The following FARP1 variants were observed in gnomAD, a reference collection of about 807,000 sequenced individuals.
FARP1 encodes the protein FERM, ARH/RhoGEF and pleckstrin domain protein 1, also known as FERM, ARHGEF and pleckstrin domain-containing protein 1.
Under a neutral mutation model 128.8 loss-of-function variants are expected in FARP1, and 52 were observed. The observed-to-expected ratio is 0.40, with a 90% confidence interval of 0.32 to 0.51. The LOEUF (loss-of-function observed/expected upper bound fraction) is 0.51. Among genes scored for constraint, FARP1 ranks in the 20% least tolerant of loss-of-function variants. The pLI is 0.45. For missense variants in FARP1, 1,333 were observed against 1,367.9 expected (o/e 0.97, Z 0.40); for synonymous variants, 580 against 551.8 (o/e 1.05, Z -0.72).
intron 26 of FARP1, chr13:98,447,954 A>C: frequency 2.1e-6 from 1 of 476,302 alleles, no homozygotes; most frequent in Non-Finnish European, 3.8e-6. Context: ...CGTTCTCCCC[A>C]GCAACCAGAG....
At chr13:98,162,843 A>T (rs1876981097) in intron 1 of FARP1, among the ~76,000 whole-genome samples, 1 of 152,204 alleles carries the variant, frequency 6.6e-6, no homozygotes, top group African/African-American at 2.4e-5. Flanking sequence ...GAGGTTGCGG[A>T]GAATAAGGAA....
At chr13:98,305,642 T>G (rs1296503288) in intron 2 of FARP1, among the ~76,000 whole-genome samples, 7 of 152,284 alleles carry the variant, frequency 4.6e-5, no homozygotes, top group South Asian at 2.1e-4. Context: ...CCTGAGAATT[T>G]CCTTAATGTG....
intron 13 of FARP1, among the ~76,000 whole-genome samples, chr13:98,408,881 G>A (rs1891078701): frequency 6.6e-6 from 1 of 152,196 alleles, no homozygotes; most frequent in Admixed American, 6.5e-5. Context: ...TCTGTTAGCT[G>A]TGACCCATTG....
chr13:98,153,573 A>G (rs1876283989), intron 1 of FARP1, among the ~76,000 whole-genome samples: 2 of 120,538 alleles, frequency 1.7e-5, no homozygotes, highest in Admixed American at 9.8e-5. Context: ...TATATTATAT[A>G]TATATTTCGA....
intron 2 of FARP1, among the ~76,000 whole-genome samples, chr13:98,291,967 GTTC>G (rs1566840769): frequency 6.6e-6 from 1 of 152,222 alleles, no homozygotes; most frequent in Non-Finnish European, 1.5e-5. Context: ...TAGCTTCTGT[GTTC>G]TTCACAAGAA....
At chr13:98,423,828 C>T (rs1288683568) in intron 16 of FARP1, among the ~76,000 whole-genome samples, 1 of 152,162 alleles carries the variant, frequency 6.6e-6, no homozygotes, top group Admixed American at 6.5e-5. Flanking sequence ...TACTCACTAC[C>T]ATCCATGTTT....
intron 24 of FARP1, among the ~76,000 whole-genome samples, chr13:98,444,098 G>T (rs957829498): frequency 6.8e-6 from 1 of 147,568 alleles, no homozygotes; most frequent in Admixed American, 6.7e-5. Context: ...GGTGGCTGCG[G>T]CAGTCTTCTT....
chr13:98,398,942 A>G (rs1029516145), intron 13 of FARP1: 1 of 152,152 alleles, frequency 6.6e-6, no homozygotes, highest in Non-Finnish European at 1.5e-5. Context: ...TTCAATCATT[A>G]TTTTGTTTTG....
chr13:98,155,420 C>T (rs985080716), intron 1 of FARP1, among the ~76,000 whole-genome samples: 14 of 149,842 alleles, frequency 9.3e-5, no homozygotes, highest in Non-Finnish European at 1.5e-4. Flanking sequence ...GCTCCTTAGG[C>T]GGGGTGCTTG....
intron 2 of FARP1, among the ~76,000 whole-genome samples, chr13:98,220,118 C>CT (rs1273198734): frequency 6.6e-6 from 1 of 151,870 alleles, no homozygotes; most frequent in Non-Finnish European, 1.5e-5. Flanking sequence ...GGGGCGGGGT[C>CT]TATCTCTTCT....
At chr13:98,374,235 G>T (rs1248162647) in intron 5 of FARP1, among the ~76,000 whole-genome samples, 1 of 152,108 alleles carries the variant, frequency 6.6e-6, no homozygotes, top group African/African-American at 2.4e-5. Context: ...ACCAGCCTGG[G>T]CAACACAGGG....
At chr13:98,420,120 G>A (rs1392970628) in intron 16 of FARP1, among the ~76,000 whole-genome samples, 2 of 152,176 alleles carry the variant, frequency 1.3e-5, no homozygotes, top group African/African-American at 2.4e-5. Flanking sequence ...TGCCACCAAG[G>A]TCACCAGCAC....
chr13:98,210,589 G>A (rs966077960), intron 1 of FARP1, among the ~76,000 whole-genome samples: 14 of 146,922 alleles, frequency 9.5e-5, no homozygotes, highest in African/African-American at 2.5e-4. Context: ...TCGCTCTGTC[G>A]CCCAGGCTGG....
chr13:98,375,164 A>G (rs559764738), intron 5 of FARP1, among the ~76,000 whole-genome samples: 72 of 152,208 alleles, frequency 4.7e-4, no homozygotes, highest in Non-Finnish European at 8.5e-4. Flanking sequence ...TATTTCATTA[A>G]TGATTAGAGA....
In FARP1 at chr13:98,152,079, A is replaced by G. The variant is rs1488391244; in HGVS notation, c.-24+8587A>G. ...AGAATGTCTGACTAATAGCAGTTTC[A>G]GCCATCAAATACTGAGTTGCTTCAA... On this transcript the variant is annotated intron_variant, in intron 1 of 26. Coordinates refer to ENST00000319562, the MANE Select transcript of FARP1 (RefSeq NM_005766.4). Among the ~76,000 whole-genome samples the G allele has an allele frequency of 2.6e-5, 4 of 152,226 alleles. No homozygotes were observed. In the East Asian group the frequency reaches 7.7e-4, roughly 29 times the overall value.
chr13:98,309,775 C>G (rs939161458), intron 2 of FARP1, among the ~76,000 whole-genome samples: 14 of 152,336 alleles, frequency 9.2e-5, no homozygotes, highest in African/African-American at 3.4e-4. Flanking sequence ...CCTGTGTAGG[C>G]AACAGCCCCT....
intron 1 of FARP1, among the ~76,000 whole-genome samples, chr13:98,195,712 A>G (rs140779779): frequency 4.7e-4 from 72 of 152,274 alleles, no homozygotes; most frequent in African/African-American, 1.6e-3. Context: ...GACATTTACA[A>G]CTTTCATAAT....
At chr13:98,224,547 A>AAG (rs1881636934) in intron 2 of FARP1, among the ~76,000 whole-genome samples, 1 of 1,086 alleles carries the variant, frequency 9.2e-4, no homozygotes, top group Non-Finnish European at 1.4e-3. Flanking sequence ...AAAAAAAAAG[A>AAG]AAAAAAAAAA....
intron 3 of FARP1, among the ~76,000 whole-genome samples, chr13:98,362,735 G>A (rs1888922471): frequency 1.3e-5 from 2 of 152,136 alleles, no homozygotes. Flanking sequence ...CTCCCTGTAT[G>A]ATCCAAGGAC....
Sources: allele counts gnomAD v4.1 joint callset (sites outside exome capture counted in the v4.1 genomes callset), GRCh38; gene constraint gnomAD v4.1.1; transcripts MANE v1.5; gene names NCBI Gene and HGNC (gene_info 2026-07-23, HGNC 2026-07-21).